The following NR1H4 variants were observed in gnomAD, a reference collection of about 807,000 sequenced individuals.
NR1H4 encodes nuclear receptor subfamily 1 group H member 4.
Under a neutral mutation model 58.5 loss-of-function variants are expected in NR1H4, and 23 were observed. The ratio of observed to expected loss-of-function variants is 0.39; its 90% CI spans 0.28 to 0.56. NR1H4 has a LOEUF of 0.56. Among genes scored for constraint, NR1H4 ranks in the 20% least tolerant of loss-of-function variants. NR1H4 has a pLI of 0.58. For missense variants in NR1H4, 487 were observed against 576.9 expected (o/e 0.84, Z 1.60); for synonymous variants, 214 against 198.0 (o/e 1.08, Z -0.68).
rs200480901 is a variant in NR1H4 at position 100,511,143 on chromosome 12, G to A, written c.445G>A (p.Gly149Ser). The A allele has an allele frequency of 6.2e-7, 1 of 1,614,232 alleles. No homozygotes were observed. Among genetic ancestry groups the A allele is most frequent in the Non-Finnish European group, 8.5e-7 (1 of 1,180,044 alleles). The change falls in exon 4 of 11, where the codon GGT becomes AGT. Residue 149 changes from glycine to serine, a missense_variant and splice_region_variant. By Grantham distance (56) the Gly-to-Ser change is moderately conservative. Coordinates refer to ENST00000392986, the MANE Select transcript of NR1H4 (RefSeq NM_001206979.2). ...YNALTCEGCK[G>S]FFRRSITKNA... is the part of the protein sequence containing the mutation. ...TGCACTGACCTGTGAGGGGTGTAAA[G>A]GTAAGCATCTTTGATTGGCAGTTTT... is the stretch of plus-strand genomic sequence containing the variant.
In NR1H4 at chr12:100,563,480, C is replaced by T. The variant is rs778715261; in HGVS notation, c.1422C>T (p.Asp474=). The stretch of plus-strand genomic sequence containing the variant: ...CCCCACTTCTCTGTGAAATCTGGGA[C>T]GTGCAGTGATGGGGATTACAGGGGA... ...KFTPLLCEIW[D]VQ The change falls in exon 11 of 11, where the codon GAC becomes GAT. Residue 474 remains aspartate, a synonymous_variant. Transcript: ENST00000392986. 8.1e-6 allele frequency: 13 copies of T among 1,612,796 alleles called. No individual in the cohort carries two copies. Among genetic ancestry groups the T allele is most frequent in the African/African-American group, 6.7e-5 (5 of 74,874 alleles).
chr12:100,482,233 GTTAC>G (rs1230715122), intron 1 of NR1H4, among the ~76,000 whole-genome samples: 1 of 152,038 alleles, frequency 6.6e-6, no homozygotes, highest in African/African-American at 2.4e-5. Context: ...AATAAAAATG[GTTAC>G]CATTCACTAA....
intron 1 of NR1H4, among the ~76,000 whole-genome samples, chr12:100,486,488 T>C (rs1379203419): frequency 6.6e-6 from 1 of 152,206 alleles, no homozygotes; most frequent in African/African-American, 2.4e-5. Flanking sequence ...AGAGCACATT[T>C]GAGCAAATGG....
chr12:100,533,841 G>A (rs531262764), intron 5 of NR1H4, among the ~76,000 whole-genome samples: 2 of 151,648 alleles, frequency 1.3e-5, no homozygotes, highest in African/African-American at 2.4e-5. Flanking sequence ...GAGTAAGGAC[G>A]TTAAATGGGA....
At chr12:100,501,471 T>A (rs2136124999) in intron 3 of NR1H4, among the ~76,000 whole-genome samples, 1 of 152,276 alleles carries the variant, frequency 6.6e-6, no homozygotes, top group African/African-American at 2.4e-5. Context: ...CACCACGGGA[T>A]TTTGAGTCAG....
intron 9 of NR1H4, among the ~76,000 whole-genome samples, chr12:100,558,472 C>T (rs575521563): frequency 1.3e-5 from 2 of 152,182 alleles, no homozygotes; most frequent in African/African-American, 2.4e-5. Context: ...ATCCTCCCAC[C>T]TCAGCCTCCT....
At chr12:100,508,250 A>C (rs1314690859) in intron 3 of NR1H4, among the ~76,000 whole-genome samples, 1 of 152,158 alleles carries the variant, frequency 6.6e-6, no homozygotes, top group Non-Finnish European at 1.5e-5. Flanking sequence ...AGGAAGCAGC[A>C]GGTGGGAGAA....
At chr12:100,534,864 G>A (rs746584027) in intron 5 of NR1H4, 26 bp from the exon 6 acceptor site, 1 of 1,613,890 alleles carries the variant, frequency 6.2e-7, no homozygotes, top group Non-Finnish European at 8.5e-7. Context: ...TGTGATTGGT[G>A]AAGTCTCTAT....
At chr12:100,513,776 C>G (rs1259792998) in intron 4 of NR1H4, among the ~76,000 whole-genome samples, 1 of 145,514 alleles carries the variant, frequency 6.9e-6, no homozygotes, top group African/African-American at 2.6e-5. Context: ...TCCTGGATGA[C>G]AGAGCGAGAC....
chr12:100,540,115 TC>T, intron 8 of NR1H4, among the ~76,000 whole-genome samples: 1 of 152,298 alleles, frequency 6.6e-6, no homozygotes, highest in South Asian at 2.1e-4. Context: ...AGTGTTATAT[TC>T]CATCAGGTTG....
At chr12:100,527,742 T>TGC (rs1566458451) in intron 4 of NR1H4, among the ~76,000 whole-genome samples, 1 of 152,174 alleles carries the variant, frequency 6.6e-6, no homozygotes, top group East Asian at 1.9e-4. Flanking sequence ...TGAGAACATA[T>TGC]GGTGTTTGGT....
chr12:100,538,514 G>C (rs578186935), intron 8 of NR1H4, among the ~76,000 whole-genome samples: 1 of 152,296 alleles, frequency 6.6e-6, no homozygotes, highest in Admixed American at 6.5e-5. Context: ...TAGAATGTGG[G>C]AGTCTTCTTA....
Position 100,561,939 on chromosome 12 carries a change from A to C in NR1H4, c.1133A>C (p.Glu378Ala). Residue 378 changes from glutamate (E) to alanine (A), a missense_variant, in exon 10 of 11, where the codon GAA becomes GCA. Glu to Ala is a moderately radical substitution (Grantham distance 107, BLOSUM62 -1). Coordinates refer to ENST00000392986, the MANE Select transcript of NR1H4 (RefSeq NM_001206979.2). The stretch of plus-strand genomic sequence containing the variant: ...TTTAGTTTTTATAAAAGTATTGGGG[A>C]ACTGAAAATGACTCAAGAGGAGTAT... ...PMFSFYKSIGELKMTQEEYAL... is the reference protein window; with the variant it reads ...PMFSFYKSIGALKMTQEEYAL... 1 of 1,569,084 alleles carries C rather than the reference A, an allele frequency of 6.4e-7. No individual in the cohort carries two copies. Among genetic ancestry groups the C allele is most frequent in the Non-Finnish European group, 8.8e-7 (1 of 1,139,354 alleles).
chr12:100,552,914 C>T (rs528140713), intron 9 of NR1H4, among the ~76,000 whole-genome samples: 1 of 145,850 alleles, frequency 6.9e-6, no homozygotes, highest in African/African-American at 2.6e-5. Context: ...TAGCCAGATT[C>T]TGTCATAAAA....
chr12:100,515,554 G>A (rs185219088), intron 4 of NR1H4, among the ~76,000 whole-genome samples: 2 of 152,210 alleles, frequency 1.3e-5, no homozygotes, highest in Non-Finnish European at 2.9e-5. Context: ...TTGAATATCA[G>A]TATAAGATGA....
chr12:100,477,912 G>C (rs920718370), intron 1 of NR1H4, among the ~76,000 whole-genome samples: 1 of 152,134 alleles, frequency 6.6e-6, no homozygotes, highest in Non-Finnish European at 1.5e-5. Context: ...TGGGCTTCAG[G>C]GGGCCAGGGT....
intron 9 of NR1H4, among the ~76,000 whole-genome samples, chr12:100,542,038 A>G (rs1954948537): frequency 6.6e-6 from 1 of 152,188 alleles, no homozygotes; most frequent in South Asian, 2.1e-4. Flanking sequence ...GACAGAGAGG[A>G]AGTCTGACTT....
At chr12:100,553,920 G>C (rs549698944) in intron 9 of NR1H4, among the ~76,000 whole-genome samples, 1 of 152,304 alleles carries the variant, frequency 6.6e-6, no homozygotes, top group African/African-American at 2.4e-5. Flanking sequence ...AGTCTCATGG[G>C]CCCAAATTTC....
intron 4 of NR1H4, among the ~76,000 whole-genome samples, chr12:100,520,416 G>A (rs1566452888): frequency 6.6e-6 from 1 of 152,108 alleles, no homozygotes; most frequent in East Asian, 1.9e-4. Flanking sequence ...AAGTTTCTGG[G>A]AGATGCTCAG....
Sources: gnomAD v4.1 joint callset for allele counts (sites outside exome capture counted in the v4.1 genomes callset) on GRCh38, gnomAD v4.1.1 for gene constraint, MANE v1.5 for transcripts, NCBI Gene and HGNC (gene_info 2026-07-23, HGNC 2026-07-21) for gene names.